TUBA4B: variants seen among roughly 807,000 people sequenced by gnomAD.
The protein encoded by TUBA4B is tubulin-like protein alpha-4B.
TUBA4B carries 13 observed loss-of-function variants against 18.4 expected under a neutral mutation model. That is an observed-to-expected ratio of 0.71 (90% CI 0.46 to 1.12). The LOEUF is 1.12. Ranked by LOEUF, TUBA4B falls within the 50% of genes most tolerant of loss-of-function variation. TUBA4B has a pLI of 0.00. For synonymous variants in TUBA4B, 101 were observed against 99.1 expected (o/e 1.02, Z -0.11); for missense variants, 244 against 250.0 (o/e 0.98, Z 0.16).
In TUBA4B at chr2:219,272,113, G is replaced by C; in HGVS notation, c.*414G>C. 1 of 871,480 alleles carries C rather than the reference G, an allele frequency of 1.1e-6. No homozygotes were observed. Among genetic ancestry groups the C allele is most frequent in the East Asian group, 3.4e-5 (1 of 29,406 alleles). 54.0% of individuals were successfully genotyped at this position (871,480 alleles called of 1,614,324 possible). On this transcript the variant is annotated 3_prime_UTR_variant, in exon 4 of 4. Transcript: ENST00000490341. ...GAGGTGGGCATGGATAGTGTGGAGT[G>C]GGGGGAAGAAAAGATAGGGGGGATG...
At position 219,271,997 on chromosome 2, in the gene TUBA4B, G is replaced by A. The variant is rs535207947; in HGVS notation, c.*298G>A. The A allele has an allele frequency of 8.7e-5, 133 of 1,523,070 alleles. 1 individual carries two copies. In the African/African-American group the frequency reaches 9.0e-4, roughly 10 times the overall value. 94.3% of individuals were successfully genotyped at this position (1,523,070 alleles called of 1,614,324 possible). ...TTGACCTGATGTATGCCAAGAGGGC[G>A]TTTGGGCACTGATATGTGGGTGAGG... On this transcript the variant is annotated 3_prime_UTR_variant, in exon 4 of 4. Coordinates refer to ENST00000490341, the MANE Select transcript of TUBA4B (RefSeq NM_001355221.1).
At chr2:219,269,923 T>C (rs1240641427) in intron 2 of TUBA4B, among the ~76,000 whole-genome samples, 2 of 152,158 alleles carry the variant, frequency 1.3e-5, no homozygotes, top group Non-Finnish European at 2.9e-5. Context: ...ATGGTGTCTG[T>C]GGTATAGCTT....
Position 219,271,418 on chromosome 2 carries a change from T to C in TUBA4B, c.445T>C (p.Tyr149His). 1 of 1,614,172 alleles carries C rather than the reference T, an allele frequency of 6.2e-7. No homozygotes were observed. The highest frequency in any genetic ancestry group is 1.7e-5 in the Admixed American group (1 of 60,018). Residue 149 changes from tyrosine (Y) to histidine (H), a missense_variant, in exon 4 of 4, where the codon TAT becomes CAT. Tyr to His is a moderately conservative substitution (Grantham distance 83). Coordinates refer to ENST00000490341, the MANE Select transcript of TUBA4B (RefSeq NM_001355221.1). ...CTTCATGGTGGACAACAAAGCAATC[T>C]ATGACATCTGCCACTGCAACCTAGA... ...CAFMVDNKAI[Y>H]DICHCNLDIE...
chr2:219,268,748 T>G (rs1304519900), intron 2 of TUBA4B, among the ~76,000 whole-genome samples: 1 of 152,178 alleles, frequency 6.6e-6, no homozygotes, highest in East Asian at 1.9e-4. Flanking sequence ...TTTGGAGAAG[T>G]CATCCTCATT....
chr2:219,254,084 G>A (rs1176470966), intron 1 of TUBA4B: 2 of 444,420 alleles, frequency 4.5e-6, no homozygotes, highest in South Asian at 1.1e-4. Context: ...AGCTGCGCGG[G>A]GGTCCCTCAC....
In TUBA4B at chr2:219,272,001, G is replaced by A; in HGVS notation, c.*302G>A. 1 of 1,522,104 alleles carries A rather than the reference G, an allele frequency of 6.6e-7. No individual in the cohort carries two copies. The highest frequency in any genetic ancestry group is 1.7e-5 in the Admixed American group (1 of 59,760). The allele number at this position is 1,522,104 out of a possible 1,614,324, so 94.3% of individuals were successfully genotyped here. On this transcript the variant is annotated 3_prime_UTR_variant, in exon 4 of 4. Transcript: ENST00000490341. ...CCTGATGTATGCCAAGAGGGCGTTTGGGCACTGATATGTGGGTGAGGGCAT... is the reference window on the plus strand; with the variant it reads ...CCTGATGTATGCCAAGAGGGCGTTTAGGCACTGATATGTGGGTGAGGGCAT...
Position 219,271,891 on chromosome 2 carries a change from C to T in TUBA4B, c.*192C>T, listed in dbSNP as rs1951829932. The T allele has an allele frequency of 6.9e-7, 1 of 1,451,712 alleles. No individual in the cohort carries two copies. 89.9% of individuals were successfully genotyped at this position (1,451,712 alleles called of 1,614,324 possible). On this transcript the variant is annotated 3_prime_UTR_variant, in exon 4 of 4. Coordinates refer to ENST00000490341, the MANE Select transcript of TUBA4B (RefSeq NM_001355221.1). ...TCCCACTGTGGTGCCTGGGAGTGACCTGGTAAAGTGCAACGTGCCATGTGC... is the reference window on the plus strand; with the variant it reads ...TCCCACTGTGGTGCCTGGGAGTGACTTGGTAAAGTGCAACGTGCCATGTGC...
intron 1 of TUBA4B, among the ~76,000 whole-genome samples, chr2:219,255,250 A>G (rs909145964): frequency 2.0e-5 from 3 of 151,958 alleles, no homozygotes; most frequent in Non-Finnish European, 2.9e-5. Flanking sequence ...TTATTTATCT[A>G]TTTTTGAGAT....
intron 1 of TUBA4B, among the ~76,000 whole-genome samples, chr2:219,262,050 G>A (rs1207673732): frequency 6.6e-6 from 1 of 152,186 alleles, no homozygotes; most frequent in African/African-American, 2.4e-5. Context: ...AGTGGCTCAC[G>A]CCTGTAATCC....
At chr2:219,253,737 C>T in intron 1 of TUBA4B, 1 of 1,253,950 alleles carries the variant, frequency 8.0e-7, no homozygotes, top group Non-Finnish European at 1.1e-6. Context: ...GCAAAACCCT[C>T]GCACCTCCTG....
intron 2 of TUBA4B, among the ~76,000 whole-genome samples, chr2:219,267,134 T>C (rs999572650): frequency 8.5e-5 from 13 of 152,202 alleles, no homozygotes; most frequent in Non-Finnish European, 1.9e-4. Context: ...GAGCTGGCTG[T>C]GCCTGGGGCT....
chr2:219,261,211 C>T (rs900215422), intron 1 of TUBA4B, among the ~76,000 whole-genome samples: 7 of 152,234 alleles, frequency 4.6e-5, no homozygotes, highest in African/African-American at 1.2e-4. Flanking sequence ...TAGCTTTCTG[C>T]GCTGTCATCC....
chr2:219,266,481 C>T, intron 1 of TUBA4B, 40 bp from the exon 2 acceptor site: 2 of 697,578 alleles, frequency 2.9e-6, no homozygotes, highest in Admixed American at 2.0e-5. Flanking sequence ...CTGGCCGCTG[C>T]AGGCCTCTCA....
chr2:219,261,947 T>TTCTG (rs749205704), intron 1 of TUBA4B, among the ~76,000 whole-genome samples: 2 of 152,234 alleles, frequency 1.3e-5, no homozygotes, highest in Non-Finnish European at 2.9e-5. Flanking sequence ...GCACTTATTA[T>TTCTG]TCTGTCTGTC....
chr2:219,267,046 TTGTC>T (rs1196605549), intron 2 of TUBA4B, among the ~76,000 whole-genome samples: 1 of 152,122 alleles, frequency 6.6e-6, no homozygotes, highest in East Asian at 1.9e-4. Flanking sequence ...TGCTGTGCCT[TTGTC>T]TGACCTCTCA....
At chr2:219,258,418 T>G (rs1024326175) in intron 1 of TUBA4B, among the ~76,000 whole-genome samples, 2 of 151,936 alleles carry the variant, frequency 1.3e-5, no homozygotes, top group Non-Finnish European at 2.9e-5. Flanking sequence ...CCTCCCGGCC[T>G]CTAGCCATCC....
At chr2:219,253,807 G>C in intron 1 of TUBA4B, 1 of 1,538,516 alleles carries the variant, frequency 6.5e-7, no homozygotes, top group Non-Finnish European at 8.8e-7. Flanking sequence ...TCCCCCAAAG[G>C]AGAGGGGCAA....
chr2:219,266,635 C>T (rs934762660), intron 2 of TUBA4B, 69 bp downstream of exon 2: 10 of 697,012 alleles, frequency 1.4e-5, no homozygotes, highest in Admixed American at 4.1e-5. Context: ...AGATATCTGG[C>T]GTGAAGGTAC....
At chr2:219,266,355 A>G in intron 1 of TUBA4B, 166 bp from the exon 2 acceptor site, 1 of 581,118 alleles carries the variant, frequency 1.7e-6, no homozygotes. Context: ...GTTTGGGTGC[A>G]GGCCCAGAGC....
Sources: allele counts gnomAD v4.1 joint callset (sites outside exome capture counted in the v4.1 genomes callset), GRCh38; gene constraint gnomAD v4.1.1; transcripts MANE v1.5; gene names NCBI Gene and HGNC (gene_info 2026-07-23, HGNC 2026-07-21).